The following TRIM40 variants were observed in gnomAD, a reference collection of about 807,000 sequenced individuals.
TRIM40 encodes E3 ubiquitin ligase TRIM40.
TRIM40 carries 27 observed loss-of-function variants against 26.1 expected under a neutral mutation model. The observed-to-expected ratio is 1.04, with a 90% CI of 0.76 to 1.43. The LOEUF (loss-of-function observed/expected upper bound fraction) is 1.43, where lower values mean the gene tolerates loss of function less well. Among genes scored for constraint, TRIM40 ranks in the 40% most tolerant of loss-of-function variants. The probability of loss-of-function intolerance (pLI) is 0.00; values close to 1 mark genes in which losing one functional copy is unlikely to be tolerated. For missense variants in TRIM40, 289 were observed against 307.9 expected, an observed-to-expected ratio of 0.94 and a Z score of 0.46; for synonymous variants, 114 against 120.0, an observed-to-expected ratio of 0.95 and a Z score of 0.33.
At chr6:30,147,623 A>G (rs1771749399) in intron 5 of TRIM40, 81 bp downstream of exon 5, 1 of 1,611,986 alleles carries the variant, frequency 6.2e-7, no homozygotes, top group African/African-American at 1.3e-5. Context: ...AAGGAGACCC[A>G]CTGCTCCGTT....
Position 30,137,074 on chromosome 6 carries a change from T to C in TRIM40, c.38T>C (p.Val13Ala). Residue 13 changes from valine (V) to alanine (A), a missense_variant, in exon 2 of 6, where the codon GTC becomes GCC. Transcript: ENST00000396581. ...PLQKDNQEEG[V>A]CPICQESLKE... The stretch of plus-strand genomic sequence containing the variant: ...CAGAAGGACAACCAGGAGGAGGGTG[T>C]CTGCCCCATCTGCCAGGAGAGCCTG... 1.2e-6 allele frequency: 2 copies of C among 1,612,986 alleles called. No homozygotes were observed. The highest frequency in any genetic ancestry group is 1.1e-5 in the South Asian group (1 of 91,072).
chr6:30,143,610 A>G (rs1376866805), intron 2 of TRIM40, among the ~76,000 whole-genome samples: 2 of 152,152 alleles, frequency 1.3e-5, no homozygotes, highest in African/African-American at 4.8e-5. Flanking sequence ...CATTTAGACA[A>G]GACAGGTCTT....
At chr6:30,136,655 T>C (rs531291803) in intron 1 of TRIM40, 78 bp from the exon 2 acceptor site, 12 of 243,966 alleles carry the variant, frequency 4.9e-5, no homozygotes, top group African/African-American at 2.0e-4. Context: ...CCCTTTTAAT[T>C]TGGGGCCCGT....
At chr6:30,146,561 C>A (rs2127427303) in intron 3 of TRIM40, among the ~76,000 whole-genome samples, 1 of 152,286 alleles carries the variant, frequency 6.6e-6, no homozygotes, top group Admixed American at 6.5e-5. Flanking sequence ...CAGGCACTTG[C>A]CACCACGCCC....
Position 30,137,327 on chromosome 6 carries a change from T to C in TRIM40, c.291T>C (p.Pro97=), listed in dbSNP as rs749140804. Residue 97 remains proline, a synonymous_variant, in exon 2 of 6, where the codon CCT becomes CCC. Transcript: ENST00000396581. ...LLLCVECLVS[P]EHMSHHELTI... is the part of the protein sequence containing the mutation. ...TATGTGTGGAATGCCTGGTGTCCCC[T>C]GAACACATGTCTCATCATGAACTGA... is the stretch of plus-strand genomic sequence containing the variant. The C allele has an allele frequency of 6.2e-6, 10 of 1,612,922 alleles. No individual in the cohort carries two copies. Among genetic ancestry groups the C allele is most frequent in the Non-Finnish European group, 3.4e-6 (4 of 1,180,030 alleles).
At chr6:30,144,087 T>A (rs183262833) in intron 2 of TRIM40, among the ~76,000 whole-genome samples, 1 of 149,334 alleles carries the variant, frequency 6.7e-6, no homozygotes, top group East Asian at 2.0e-4. Context: ...GAGAGCAATG[T>A]TGTGTGCTGG....
intron 2 of TRIM40, among the ~76,000 whole-genome samples, chr6:30,145,333 GC>G (rs1215964562): frequency 6.6e-6 from 1 of 150,700 alleles, no homozygotes; most frequent in Non-Finnish European, 1.5e-5. Flanking sequence ...CCCTCCAACT[GC>G]CCCCCGAACC....
chr6:30,137,123 C>T lies in TRIM40; in HGVS notation c.87C>T (p.Cys29=), dbSNP rs149807260. 8.1e-6 allele frequency: 13 copies of T among 1,612,988 alleles called. No homozygotes were observed. Among genetic ancestry groups the T allele is most frequent in the African/African-American group, 5.3e-5 (4 of 74,938 alleles). ...TGAAGGAGGCCGTGAGCACCAACTG[C>T]GGACATCTCTTCTGTCGAGTGTGCC... The part of the protein sequence containing the change: ...ESLKEAVSTN[C]GHLFCRVCLT... Residue 29 remains cysteine, a synonymous_variant, in exon 2 of 6, where the codon TGC becomes TGT. Transcript: ENST00000396581.
chr6:30,137,442 A>G, intron 2 of TRIM40, 61 bp downstream of exon 2: 2 of 1,403,216 alleles, frequency 1.4e-6, no homozygotes, highest in African/African-American at 1.4e-5. Context: ...TGCATCCTAC[A>G]TGTTCATCAT....
intron 2 of TRIM40, among the ~76,000 whole-genome samples, chr6:30,143,108 G>A (rs1771444486): frequency 6.7e-6 from 1 of 148,664 alleles, no homozygotes; most frequent in South Asian, 2.1e-4. Context: ...TGGGGGTTTA[G>A]TTAGTCTTCT....
intron 3 of TRIM40, among the ~76,000 whole-genome samples, 159 bp downstream of exon 3, chr6:30,146,248 G>C (rs1294810170): frequency 1.3e-5 from 2 of 152,094 alleles, no homozygotes; most frequent in Non-Finnish European, 2.9e-5. Context: ...AAAGTTTGCT[G>C]GTTGAGTGAC....
At chr6:30,139,973 C>T (rs927135512) in intron 2 of TRIM40, among the ~76,000 whole-genome samples, 6 of 152,170 alleles carry the variant, frequency 3.9e-5, no homozygotes, top group Non-Finnish European at 5.9e-5. Flanking sequence ...TGAAAAAATG[C>T]TCATCATCAC....
rs781403473 is a variant in TRIM40 at position 30,147,134 on chromosome 6, G to A, written c.591G>A (p.Arg197=). The part of the protein sequence containing the change: ...AEAARILDIS[R]AVTQLRSLVI... ...CGGCCAGAATCCTTGACATCTCCAG[G>A]GCAGTAACACAGCTCAGAAGCCTGG... The change falls in exon 4 of 6, where the codon AGG becomes AGA. Residue 197 remains arginine (R), a synonymous_variant. Coordinates refer to ENST00000396581, the MANE Select transcript of TRIM40 (RefSeq NM_001286633.2). 1 of 1,614,208 alleles carries A rather than the reference G, an allele frequency of 6.2e-7. No homozygotes were observed.
chr6:30,137,095 G>C lies in TRIM40; in HGVS notation c.59G>C (p.Ser20Thr). ...GGTGTCTGCCCCATCTGCCAGGAGA[G>C]CCTGAAGGAGGCCGTGAGCACCAAC... ...EEGVCPICQE[S>T]LKEAVSTNCG... Residue 20 changes from serine to threonine, a missense_variant, in exon 2 of 6, where the codon AGC becomes ACC. Physicochemically the swap from Ser to Thr is moderately conservative, Grantham distance 58. Coordinates refer to ENST00000396581, the MANE Select transcript of TRIM40 (RefSeq NM_001286633.2). 6.2e-7 allele frequency: 1 copy of C among 1,613,080 alleles called. No individual in the cohort carries two copies. The highest frequency in any genetic ancestry group is 1.1e-5 in the South Asian group (1 of 91,078).
At chr6:30,136,521 T>A (rs1562086001) in intron 1 of TRIM40, 1 of 157,414 alleles carries the variant, frequency 6.4e-6, no homozygotes, top group Non-Finnish European at 1.4e-5. Flanking sequence ...AGCCACCCGG[T>A]GTGACAGTGT....
chr6:30,144,560 GA>G (rs1215532240), intron 2 of TRIM40, among the ~76,000 whole-genome samples: 3 of 152,248 alleles, frequency 2.0e-5, no homozygotes, highest in African/African-American at 4.8e-5. Flanking sequence ...CCTTTTTACA[GA>G]AAAAAATGAA....
At chr6:30,138,326 G>A (rs1220183982) in intron 2 of TRIM40, among the ~76,000 whole-genome samples, 1 of 152,144 alleles carries the variant, frequency 6.6e-6, no homozygotes, top group African/African-American at 2.4e-5. Context: ...ATATATATTG[G>A]AGGACCTAGA....
intron 2 of TRIM40, among the ~76,000 whole-genome samples, chr6:30,142,021 A>G (rs896830902): frequency 2.0e-5 from 3 of 152,170 alleles, no homozygotes; most frequent in African/African-American, 7.2e-5. Flanking sequence ...GGAGTTGAGT[A>G]TATTTCTGAA....
intron 5 of TRIM40, 66 bp downstream of exon 5, chr6:30,147,608 A>G: frequency 6.2e-7 from 1 of 1,613,190 alleles, no homozygotes; most frequent in East Asian, 2.2e-5. Context: ...ACATGCACAG[A>G]GGTCAAGGAG....
Sources: gnomAD v4.1 joint callset for allele counts (sites outside exome capture counted in the v4.1 genomes callset) on GRCh38, gnomAD v4.1.1 for gene constraint, MANE v1.5 for transcripts, NCBI Gene and HGNC (gene_info 2026-07-23, HGNC 2026-07-21) for gene names.